Variants in PPP1R8 observed in about 807,000 individuals in gnomAD.
PPP1R8 encodes nuclear inhibitor of protein phosphatase 1.
PPP1R8 carries 4 observed loss-of-function variants against 31.3 expected under a neutral mutation model. That is an observed-to-expected ratio of 0.13 (90% confidence interval 0.06 to 0.29). The LOEUF is 0.29. Ranked by LOEUF, PPP1R8 falls within the 10% of genes least tolerant of loss-of-function variation. PPP1R8 has a pLI of 1.00. For missense variants in PPP1R8, 254 were observed against 440.1 expected (o/e 0.58, Z 3.78); for synonymous variants, 170 against 169.7 (o/e 1.00, Z -0.01).
intron 2 of PPP1R8, among the ~76,000 whole-genome samples, chr1:27,835,093 A>G (rs1439722345): frequency 1.3e-5 from 2 of 152,054 alleles, no homozygotes; most frequent in African/African-American, 4.8e-5. Flanking sequence ...TTTAATTTGG[A>G]GGCACTCTTT....
chr1:27,844,914 T>C (rs1432510578), intron 5 of PPP1R8, among the ~76,000 whole-genome samples: 4 of 126,852 alleles, frequency 3.2e-5, no homozygotes, highest in Admixed American at 2.3e-4. Flanking sequence ...TTTTTTTTTT[T>C]AGTAGAGACG....
chr1:27,837,830 A>G (rs1241668090), intron 2 of PPP1R8, among the ~76,000 whole-genome samples: 1 of 151,914 alleles, frequency 6.6e-6, no homozygotes, highest in African/African-American at 2.4e-5. Context: ...TAATCCCAGC[A>G]CTTTAGGAGG....
At chr1:27,832,361 C>T (rs1358400156) in intron 1 of PPP1R8, among the ~76,000 whole-genome samples, 1 of 152,136 alleles carries the variant, frequency 6.6e-6, no homozygotes, top group Admixed American at 6.6e-5. Context: ...TGATGAGCCC[C>T]AAACAGCAAC....
At position 27,830,883 on chromosome 1, in the gene PPP1R8, C is replaced by A; in HGVS notation, c.48C>A (p.Cys16Ter). 6.4e-7 allele frequency: 1 copy of A among 1,571,488 alleles called. No homozygotes were observed. Residue 16 changes from cysteine (C) to a stop codon, truncating the protein, a stop_gained, in exon 1 of 7, where the codon TGC (cysteine) becomes TGA (stop). Coordinates refer to ENST00000311772, the MANE Select transcript of PPP1R8 (RefSeq NM_014110.5). LOFTEE classifies it high-confidence loss of function. The stretch of plus-strand genomic sequence containing the variant: ...GCTCTAGCCTCCCGCTGTTCGACTG[C>A]CCAACCTGGTGAGTGGCGGGGCGGC... ...NSGSSLPLFD[C>*]PTWAGKPPPG...
At chr1:27,847,511 A>G (rs1160694185) in intron 6 of PPP1R8, among the ~76,000 whole-genome samples, 1 of 151,682 alleles carries the variant, frequency 6.6e-6, no homozygotes, top group Non-Finnish European at 1.5e-5. Context: ...TGTCTCAAAA[A>G]AAAAAAAAAA....
intron 4 of PPP1R8, among the ~76,000 whole-genome samples, chr1:27,842,900 T>C (rs1324026243): frequency 1.3e-5 from 2 of 152,168 alleles, no homozygotes; most frequent in African/African-American, 2.4e-5. Context: ...AACTCAAGGA[T>C]ATTTGCACAG....
In PPP1R8 at chr1:27,830,975, C is replaced by T. The variant is rs984375946; in HGVS notation, c.56+84C>T. On this transcript the variant is annotated intron_variant, in intron 1 of 6. Coordinates refer to ENST00000311772, the MANE Select transcript of PPP1R8 (RefSeq NM_014110.5). ...GGGCGGCTCTTTTTTTACTTTTCTG[C>T]TGCGAGCCGAACGGCTCAGAAACCC... The T allele has an allele frequency of 8.2e-6, 12 of 1,457,724 alleles. No homozygotes were observed. In the African/African-American group the frequency reaches 1.4e-4, roughly 18 times the overall value. The allele number at this position is 1,457,724 out of a possible 1,614,324, so 90.3% of individuals were successfully genotyped here.
intron 5 of PPP1R8, among the ~76,000 whole-genome samples, chr1:27,844,884 ATTTTTTTTT>A (rs765514573): frequency 1.4e-5 from 1 of 72,396 alleles, no homozygotes; most frequent in Non-Finnish European, 2.3e-5. Flanking sequence ...TGCCCGACTA[ATTTTTTTTT>A]TTTTTTTTTT....
intron 4 of PPP1R8, among the ~76,000 whole-genome samples, chr1:27,842,462 CTGCTGCTATACTTCCA>C: frequency 6.6e-6 from 1 of 152,112 alleles, no homozygotes; most frequent in East Asian, 1.9e-4. Flanking sequence ...CTTATCCAGG[CTGCTGCTATACTTCCA>C]TGGCTTTTAG....
rs1414861205 is a variant in PPP1R8, at chr1:27,851,575, G to A, written c.*1129G>A. On this transcript the variant is annotated 3_prime_UTR_variant, in exon 7 of 7. Coordinates refer to ENST00000311772, the MANE Select transcript of PPP1R8 (RefSeq NM_014110.5). ...TGTCTCTCAGTCACTGATTGCCACT[G>A]CCATCTGGAAATGTTTGCTAAAGGC... The A allele has an allele frequency of 5.9e-6, 3 of 511,314 alleles. No homozygotes were observed. The highest frequency in any genetic ancestry group is 1.4e-5 in the South Asian group (1 of 69,664). The allele number at this position is 511,314 out of a possible 1,614,324, so 31.7% of individuals were successfully genotyped here. A position where few individuals can be genotyped will look rare whatever the true frequency, so the allele number is the denominator to read the frequency against.
intron 5 of PPP1R8, among the ~76,000 whole-genome samples, chr1:27,844,280 G>A (rs956118711): frequency 6.6e-6 from 1 of 152,018 alleles, no homozygotes; most frequent in African/African-American, 2.4e-5. Flanking sequence ...TGGGATTACA[G>A]GCATGAGTCC....
Position 27,851,290 on chromosome 1 carries a change from T to G in PPP1R8, c.*844T>G. The G allele has an allele frequency of 3.1e-6, 1 of 323,642 alleles. No homozygotes were observed. The highest frequency in any genetic ancestry group is 6.1e-6 in the Non-Finnish European group (1 of 162,740). The allele number at this position is 323,642 out of a possible 1,614,324, so 20.0% of individuals were successfully genotyped here. ...GATTTGTTTGGAAGTAACTGGTGTC[T>G]CTAAGAGGAATTTTTAGATGTCAGT... is the stretch of plus-strand genomic sequence containing the variant. On this transcript the variant is annotated 3_prime_UTR_variant, in exon 7 of 7. Transcript: ENST00000311772.
At chr1:27,838,008 G>A (rs1457335790) in intron 2 of PPP1R8, among the ~76,000 whole-genome samples, 2 of 151,588 alleles carry the variant, frequency 1.3e-5, no homozygotes, top group African/African-American at 4.8e-5. Flanking sequence ...TCGGGAGTTC[G>A]AGACCAGCCT....
At chr1:27,831,142 G>A (rs1053639064) in intron 1 of PPP1R8, 1 of 1,275,800 alleles carries the variant, frequency 7.8e-7, no homozygotes, top group African/African-American at 1.6e-5. Flanking sequence ...CCCTTTGAGC[G>A]ATTAGCCAGT....
At position 27,831,272 on chromosome 1, in the gene PPP1R8, G is replaced by A. The variant is rs2089102710; in HGVS notation, c.56+381G>A. On this transcript the variant is annotated intron_variant, in intron 1 of 6. Transcript: ENST00000311772. ...GTACGTCCCGAGCGCGCTCGAGCCA[G>A]CCCCGGCCCCAACCCTACCTCCAAG... is the stretch of plus-strand genomic sequence containing the variant. The A allele has an allele frequency of 5.0e-6, 5 of 1,009,100 alleles. No individual in the cohort carries two copies. In the South Asian group the frequency reaches 1.7e-4, roughly 33 times the overall value. The allele number at this position is 1,009,100 out of a possible 1,614,324, so 62.5% of individuals were successfully genotyped here.
At chr1:27,841,569 A>G (rs2089223243) in intron 4 of PPP1R8, among the ~76,000 whole-genome samples, 1 of 152,220 alleles carries the variant, frequency 6.6e-6, no homozygotes, top group Non-Finnish European at 1.5e-5. Flanking sequence ...ATGCTGTCCA[A>G]TATGGTAGCC....
chr1:27,844,699 A>ATTTTTT (rs2089255599), intron 5 of PPP1R8, among the ~76,000 whole-genome samples: 2 of 117,802 alleles, frequency 1.7e-5, no homozygotes, highest in African/African-American at 7.3e-5. Context: ...GACTAGACAA[A>ATTTTTT]TTTCTTTTTT....
chr1:27,846,164 C>G (rs1014514916), intron 5 of PPP1R8, among the ~76,000 whole-genome samples: 4 of 152,212 alleles, frequency 2.6e-5, no homozygotes, highest in African/African-American at 4.8e-5. Flanking sequence ...ATGATTCCTT[C>G]TCTATCACTA....
At chr1:27,849,170 A>G (rs911968707) in intron 6 of PPP1R8, among the ~76,000 whole-genome samples, 2 of 152,132 alleles carry the variant, frequency 1.3e-5, no homozygotes, top group African/African-American at 2.4e-5. Flanking sequence ...TCCGGAGTTC[A>G]AGACCAGCCT....
Sources: gnomAD v4.1 joint callset for allele counts (sites outside exome capture counted in the v4.1 genomes callset) on GRCh38, gnomAD v4.1.1 for gene constraint, MANE v1.5 for transcripts, NCBI Gene and HGNC (gene_info 2026-07-23, HGNC 2026-07-21) for gene names.